The following SPIN1 variants were observed in gnomAD, a reference collection of about 807,000 sequenced individuals.
SPIN1 encodes spindlin-1.
Under a neutral mutation model 26.0 loss-of-function variants are expected in SPIN1, and 3 were observed. That is an observed-to-expected ratio of 0.12 (90% CI 0.05 to 0.30). The LOEUF is 0.30. Among genes scored for constraint, SPIN1 ranks in the 10% least tolerant of loss-of-function variants. SPIN1 has a pLI of 1.00. For synonymous variants in SPIN1, 101 were observed against 116.5 expected (o/e 0.87, Z 0.86); for missense variants, 126 against 333.4 (o/e 0.38, Z 4.84).
chr9:88,444,691 CTTT>C (rs1226379698), intron 2 of SPIN1, among the ~76,000 whole-genome samples: 5 of 123,042 alleles, frequency 4.1e-5, no homozygotes, highest in South Asian at 2.6e-4. Context: ...CTTTTCTTTT[CTTT>C]TTTTTTTTTT....
intron 1 of SPIN1, chr9:88,411,058 T>G: frequency 1.9e-6 from 3 of 1,583,310 alleles, no homozygotes; most frequent in Non-Finnish European, 2.6e-6. Context: ...CAGTCATGAT[T>G]TCAATCACTT....
intron 4 of SPIN1, among the ~76,000 whole-genome samples, chr9:88,465,792 T>A (rs529352980): frequency 6.6e-6 from 1 of 152,330 alleles, no homozygotes; most frequent in Admixed American, 6.5e-5. Flanking sequence ...TGGTTTCATA[T>A]AAGTATATCT....
chr9:88,400,776 C>T (rs1157761552), intron 1 of SPIN1, among the ~76,000 whole-genome samples: 3 of 150,500 alleles, frequency 2.0e-5, no homozygotes, highest in Admixed American at 6.7e-5. Context: ...GCCCAGGAGG[C>T]AGAGGTTGCA....
intron 1 of SPIN1, among the ~76,000 whole-genome samples, chr9:88,426,091 A>G (rs770685791): frequency 6.6e-6 from 1 of 152,152 alleles, no homozygotes; most frequent in African/African-American, 2.4e-5. Context: ...TAGGATAATA[A>G]TGGGGATGTC....
At chr9:88,411,855 A>G (rs940682904) in intron 1 of SPIN1, among the ~76,000 whole-genome samples, 7 of 152,004 alleles carry the variant, frequency 4.6e-5, no homozygotes, top group African/African-American at 1.7e-4. Flanking sequence ...AGTTATATAC[A>G]GAAGTCAAGA....
chr9:88,475,437 T>G lies in SPIN1; in HGVS notation c.*160T>G, dbSNP rs1828871163. 3.3e-6 allele frequency: 2 copies of G among 610,604 alleles called. No homozygotes were observed. The allele number at this position is 610,604 out of a possible 1,614,324, so 37.8% of individuals were successfully genotyped here. A position where few individuals can be genotyped will look rare whatever the true frequency, so the allele number is the denominator to read the frequency against. ...TTTTGTTCTGAATAGTACAGATTGA[T>G]GTGAACACAAAGCATTTTGTGTAAG... On this transcript the variant is annotated 3_prime_UTR_variant, in exon 6 of 6. Coordinates refer to ENST00000375859, the MANE Select transcript of SPIN1 (RefSeq NM_006717.3).
chr9:88,470,726 C>A (rs10868783), intron 5 of SPIN1, among the ~76,000 whole-genome samples: 36,040 of 151,934 alleles, frequency 0.24, 6,710 homozygotes, highest in African/African-American at 0.52. Context: ...TCCCCAGTAG[C>A]TGGGACTATA....
intron 2 of SPIN1, among the ~76,000 whole-genome samples, chr9:88,428,926 A>T (rs1827812084): frequency 6.6e-6 from 1 of 151,978 alleles, no homozygotes. Flanking sequence ...CATAGGCTGG[A>T]GTGTGGTAGT....
At chr9:88,465,676 A>G (rs1471952744) in intron 4 of SPIN1, among the ~76,000 whole-genome samples, 1 of 152,168 alleles carries the variant, frequency 6.6e-6, no homozygotes, top group Non-Finnish European at 1.5e-5. Context: ...AGAGTTCTTT[A>G]TATGTTCTGG....
intron 3 of SPIN1, among the ~76,000 whole-genome samples, chr9:88,458,747 C>T (rs1828522970): frequency 6.6e-6 from 1 of 152,088 alleles, no homozygotes; most frequent in African/African-American, 2.4e-5. Context: ...TGGGACTGAA[C>T]AAGTTCAAAA....
At chr9:88,405,223 T>C (rs1366180206) in intron 1 of SPIN1, among the ~76,000 whole-genome samples, 5 of 152,188 alleles carry the variant, frequency 3.3e-5, no homozygotes, top group Non-Finnish European at 7.3e-5. Flanking sequence ...GTAATTGTAC[T>C]ATACTTTTTT....
intron 2 of SPIN1, among the ~76,000 whole-genome samples, chr9:88,440,145 TTTG>T (rs1333470667): frequency 6.6e-6 from 1 of 151,512 alleles, no homozygotes; most frequent in East Asian, 1.9e-4. Context: ...AAGGATATTT[TTTG>T]TTTTTAATTT....
chr9:88,462,111 T>G (rs1325181740), intron 3 of SPIN1, among the ~76,000 whole-genome samples: 3 of 152,204 alleles, frequency 2.0e-5, no homozygotes, highest in Non-Finnish European at 4.4e-5. Flanking sequence ...TGATTATTGA[T>G]AACATGTATT....
rs375401333 is a variant in SPIN1 at position 88,411,850 on chromosome 9, T to C, written c.-158-14532T>C. Among the ~76,000 whole-genome samples, 79 of 152,064 alleles carry C rather than the reference T, an allele frequency of 5.2e-4. No individual in the cohort carries two copies. The South Asian group carries it at 0.015, about 29-fold the overall frequency. On this transcript the variant is annotated intron_variant, in intron 1 of 5. Transcript: ENST00000375859. ...TTTTTCTTATGGTAGTTTTCAGTTA[T>C]ATACAGAAGTCAAGAAAATAGTTCA...
chr9:88,463,312 G>A (rs910199966), intron 4 of SPIN1, among the ~76,000 whole-genome samples: 1 of 152,136 alleles, frequency 6.6e-6, no homozygotes, highest in African/African-American at 2.4e-5. Flanking sequence ...TAAGGCATAA[G>A]GTCTAAGGTA....
Position 88,477,070 on chromosome 9 carries a change from C to A in SPIN1, c.*1793C>A, listed in dbSNP as rs1828901608. 1 of 152,218 alleles carries A rather than the reference C, an allele frequency of 6.6e-6. No homozygotes were observed. The highest frequency in any genetic ancestry group is 1.5e-5 in the Non-Finnish European group (1 of 68,062). The allele number at this position is 152,218 out of a possible 1,614,324, so 9.4% of individuals were successfully genotyped here. On this transcript the variant is annotated 3_prime_UTR_variant, in exon 6 of 6. Transcript: ENST00000375859. ...TCTGTCCCTCGTGCTTCACTGTGGG[C>A]AGCCAGGGACAAGCTTCTGAAAGCA...
chr9:88,457,551 A>C (rs542754534), intron 3 of SPIN1, among the ~76,000 whole-genome samples: 2 of 152,206 alleles, frequency 1.3e-5, no homozygotes, highest in African/African-American at 4.8e-5. Context: ...AAATAAAATA[A>C]AACACCTTGA....
intron 1 of SPIN1, among the ~76,000 whole-genome samples, chr9:88,413,560 G>A (rs1228225690): frequency 6.7e-6 from 1 of 149,852 alleles, no homozygotes; most frequent in Admixed American, 6.7e-5. Flanking sequence ...ATTTTTTTTA[G>A]TAGAGACAGG....
At chr9:88,403,171 C>A (rs910868163) in intron 1 of SPIN1, among the ~76,000 whole-genome samples, 3 of 151,988 alleles carry the variant, frequency 2.0e-5, no homozygotes, top group Non-Finnish European at 4.4e-5. Flanking sequence ...GAGCTTGTTG[C>A]ATATTCTGGA....
Sources: allele counts gnomAD v4.1 joint callset (sites outside exome capture counted in the v4.1 genomes callset), GRCh38; gene constraint gnomAD v4.1.1; transcripts MANE v1.5; gene names NCBI Gene and HGNC (gene_info 2026-07-23, HGNC 2026-07-21).